The following GRM8 variants were observed in gnomAD, a reference collection of about 807,000 sequenced individuals.
GRM8 encodes glutamate metabotropic receptor 8.
GRM8 carries 47 observed loss-of-function variants against 87.2 expected under a neutral mutation model. That is an observed-to-expected ratio of 0.54 (90% confidence interval 0.43 to 0.69). The LOEUF (loss-of-function observed/expected upper bound fraction) is 0.69, where lower values mean the gene tolerates loss of function less well. GRM8 is among the 30% of genes least tolerant of loss of function. The pLI is 0.00. For missense variants in GRM8, 1,019 were observed against 1,139.2 expected (o/e 0.89, Z 1.52); for synonymous variants, 396 against 404.5 (o/e 0.98, Z 0.25).
At chr7:127,103,745 C>T (rs1238086929) in intron 3 of GRM8, among the ~76,000 whole-genome samples, 3 of 152,104 alleles carry the variant, frequency 2.0e-5, no homozygotes, top group Non-Finnish European at 4.4e-5. Flanking sequence ...TTGCTGATAC[C>T]AAATATGTTT....
intron 2 of GRM8, among the ~76,000 whole-genome samples, chr7:127,163,423 T>A (rs1793241773): frequency 6.6e-6 from 1 of 152,230 alleles, no homozygotes; most frequent in South Asian, 2.1e-4. Context: ...GGCAGAACTC[T>A]CCTACAAATA....
At chr7:126,721,635 C>T (rs997526223) in intron 7 of GRM8, among the ~76,000 whole-genome samples, 1 of 152,048 alleles carries the variant, frequency 6.6e-6, no homozygotes, top group Non-Finnish European at 1.5e-5. Context: ...TCTTTCTTTA[C>T]CTCCTTCTAC....
intron 6 of GRM8, among the ~76,000 whole-genome samples, chr7:126,771,680 C>T (rs1028533310): frequency 2.6e-5 from 4 of 152,184 alleles, no homozygotes; most frequent in South Asian, 2.1e-4. Context: ...TTCTTGCCAT[C>T]TAACTGCTAT....
At chr7:127,238,280 T>A (rs1798090494) in intron 2 of GRM8, among the ~76,000 whole-genome samples, 1 of 151,456 alleles carries the variant, frequency 6.6e-6, no homozygotes, top group Non-Finnish European at 1.5e-5. Context: ...CTGCCCCATG[T>A]TAGCTGATAT....
intron 7 of GRM8, among the ~76,000 whole-genome samples, chr7:126,684,556 G>A (rs906044922): frequency 1.3e-5 from 2 of 152,182 alleles, no homozygotes; most frequent in Non-Finnish European, 2.9e-5. Context: ...GGGCTCCATC[G>A]GAGGCAGTAA....
At chr7:126,857,639 C>T (rs1009357240) in intron 6 of GRM8, among the ~76,000 whole-genome samples, 16 of 152,210 alleles carry the variant, frequency 1.1e-4, no homozygotes, top group Admixed American at 1.0e-3. Context: ...GTCTTCTTTA[C>T]TTCTCTGTCT....
intron 7 of GRM8, among the ~76,000 whole-genome samples, chr7:126,651,027 T>C (rs1803792687): frequency 6.6e-6 from 1 of 151,988 alleles, no homozygotes; most frequent in African/African-American, 2.4e-5. Flanking sequence ...TGGTGGCAGG[T>C]TGATTATATT....
intron 2 of GRM8, among the ~76,000 whole-genome samples, chr7:127,230,455 G>A (rs1166227497): frequency 2.6e-5 from 4 of 151,990 alleles, no homozygotes; most frequent in East Asian, 1.9e-4. Context: ...CTCCTCTCCC[G>A]GCCTCTCAGT....
intron 8 of GRM8, among the ~76,000 whole-genome samples, chr7:126,550,101 G>GTTTTTTGT (rs1172336070): frequency 1.2e-3 from 180 of 151,644 alleles, no homozygotes; most frequent in African/African-American, 4.2e-3. Context: ...GAGTGAAAAT[G>GTTTTTTGT]TTTTTTGTTT....
At chr7:126,738,754 T>C (rs1231182897) in intron 7 of GRM8, among the ~76,000 whole-genome samples, 2 of 150,038 alleles carry the variant, frequency 1.3e-5, no homozygotes, top group East Asian at 2.0e-4. Context: ...CATAGAGCCC[T>C]GGGAAATTCT....
At chr7:126,559,341 T>C (rs915672201) in intron 8 of GRM8, among the ~76,000 whole-genome samples, 1 of 151,654 alleles carries the variant, frequency 6.6e-6, no homozygotes, top group Non-Finnish European at 1.5e-5. Context: ...CCAGGCCAAT[T>C]TTTGCATTTT....
intron 9 of GRM8, among the ~76,000 whole-genome samples, chr7:126,447,844 G>C (rs17663308): frequency 0.072 from 10,883 of 151,912 alleles, 430 homozygotes; most frequent in Middle Eastern, 0.12. Context: ...CTGCCACTAA[G>C]GCTGTCCTTG....
intron 8 of GRM8, among the ~76,000 whole-genome samples, chr7:126,552,377 G>A (rs1023439452): frequency 2.3e-4 from 35 of 152,068 alleles, no homozygotes; most frequent in Admixed American, 2.3e-3. Flanking sequence ...CAAAAAAGGT[G>A]CTAATAATAT....
chr7:126,999,431 CA>C (rs1361349007), intron 3 of GRM8, among the ~76,000 whole-genome samples: 1 of 151,586 alleles, frequency 6.6e-6, no homozygotes, highest in Non-Finnish European at 1.5e-5. Flanking sequence ...CTAAAGGAAA[CA>C]ATCAACAAAG....
At chr7:127,097,127 G>T (rs564482346) in intron 3 of GRM8, among the ~76,000 whole-genome samples, 1 of 152,266 alleles carries the variant, frequency 6.6e-6, no homozygotes, top group Non-Finnish European at 1.5e-5. Flanking sequence ...AGAAAAGATT[G>T]ACAGAGAAAT....
intron 8 of GRM8, among the ~76,000 whole-genome samples, chr7:126,607,574 TG>T (rs1262856387): frequency 6.6e-6 from 1 of 152,176 alleles, no homozygotes; most frequent in East Asian, 1.9e-4. Flanking sequence ...GAAGAGGAGA[TG>T]TTTTTTGCTA....
chr7:126,461,728 T>C (rs1584690831), intron 9 of GRM8, among the ~76,000 whole-genome samples: 1 of 151,662 alleles, frequency 6.6e-6, no homozygotes, highest in Non-Finnish European at 1.5e-5. Flanking sequence ...CAAATGATGC[T>C]GTTATTTCGG....
Position 127,191,995 on chromosome 7 carries a change from A to C in GRM8, c.510+50700T>G, listed in dbSNP as rs530303233. On this transcript the variant is annotated intron_variant, in intron 2 of 10. Transcript: ENST00000339582. Reference sequence around the variant, plus strand: ...TATTTATTACAACTCTTGGTTTTGCATGTATGTTTCAATTTGTGGTAGCAA... The same window carrying C: ...TATTTATTACAACTCTTGGTTTTGCCTGTATGTTTCAATTTGTGGTAGCAA... Among the ~76,000 whole-genome samples the C allele has an allele frequency of 7.9e-5, 12 of 152,214 alleles. No homozygotes were observed. The South Asian group carries it at 2.5e-3, about 32-fold the overall frequency.
chr7:126,885,297 G>A (rs1432159924), intron 6 of GRM8, among the ~76,000 whole-genome samples: 1 of 152,104 alleles, frequency 6.6e-6, no homozygotes, highest in Non-Finnish European at 1.5e-5. Flanking sequence ...TGTGCTATAT[G>A]GTTTAGAAGC....
Sources: gnomAD v4.1 joint callset for allele counts (sites outside exome capture counted in the v4.1 genomes callset) on GRCh38, gnomAD v4.1.1 for gene constraint, MANE v1.5 for transcripts, NCBI Gene and HGNC (gene_info 2026-07-23, HGNC 2026-07-21) for gene names.